The following FAM3C variants were observed in gnomAD, a reference collection of about 807,000 sequenced individuals.
FAM3C encodes FAM3 metabolism regulating signaling molecule C.
Under a neutral mutation model 32.5 loss-of-function variants are expected in FAM3C, and 15 were observed. The observed-to-expected ratio is 0.46, with a 90% confidence interval of 0.31 to 0.71. The LOEUF (loss-of-function observed/expected upper bound fraction) is 0.71. FAM3C is among the 30% of genes least tolerant of loss of function. FAM3C has a pLI of 0.05. For missense variants in FAM3C, 175 were observed against 274.4 expected (o/e 0.64, Z 2.56); for synonymous variants, 75 against 86.1 (o/e 0.87, Z 0.72).
chr7:121,366,967 A>G (rs1438942277), intron 5 of FAM3C, among the ~76,000 whole-genome samples: 1 of 152,180 alleles, frequency 6.6e-6, no homozygotes, highest in African/African-American at 2.4e-5. Context: ...ACAGACTGAA[A>G]TCTATCATAA....
chr7:121,362,463 T>G (rs111274972), intron 7 of FAM3C, among the ~76,000 whole-genome samples: 336 of 152,268 alleles, frequency 2.2e-3, no homozygotes, highest in African/African-American at 7.2e-3. Context: ...CTCCTAATGC[T>G]CCTAATGATT....
chr7:121,378,917 A>T lies in FAM3C; in HGVS notation c.111T>A (p.Asn37Lys), dbSNP rs750318600. The T allele has an allele frequency of 1.6e-5, 23 of 1,472,926 alleles. No individual in the cohort carries two copies. The highest frequency in any genetic ancestry group is 2.1e-5 in the Non-Finnish European group (23 of 1,078,000). The allele number at this position is 1,472,926 out of a possible 1,614,324, so 91.2% of individuals were successfully genotyped here. ...GAAAAAAATAAAACTTACCAAATAG[A>T]TTTCCTAAACTTGCATCCATTTTTA... ...FEIKMDASLG[N>K]LFARSALDTA... Residue 37 changes from asparagine (N) to lysine (K), a missense_variant, in exon 3 of 10, where the codon AAT (asparagine) becomes AAA (lysine). Transcript: ENST00000359943.
At chr7:121,360,851 A>T (rs1214147267) in intron 7 of FAM3C, among the ~76,000 whole-genome samples, 1 of 152,120 alleles carries the variant, frequency 6.6e-6, no homozygotes. Context: ...AAAACAAAAA[A>T]ACAAAAACGA....
At chr7:121,368,015 G>C (rs994081089) in intron 5 of FAM3C, among the ~76,000 whole-genome samples, 1 of 151,944 alleles carries the variant, frequency 6.6e-6, no homozygotes, top group African/African-American at 2.4e-5. Context: ...AAAAAAAGCT[G>C]CAATTACTGT....
rs66579763 is a variant in FAM3C at position 121,380,733 on chromosome 7, T to TTATATATATATATA, written c.14-1733_14-1720dup. 8.1e-3 allele frequency among the ~76,000 whole-genome samples: 1,080 copies of TTATATATATATATA among 133,890 alleles called. 13 individuals carry two copies. The highest frequency in any genetic ancestry group is 0.015 in the African/African-American group (567 of 36,634). The allele number at this position is 133,890 out of a possible 152,430, so 87.8% of individuals were successfully genotyped here. ...TTTAAAAAAGCTATATACAAACATT[T>TTATATATATATATA]TATATATATATATATATATATATGA... On this transcript the variant is annotated intron_variant, in intron 2 of 9. Coordinates refer to ENST00000359943, the MANE Select transcript of FAM3C (RefSeq NM_014888.3).
At chr7:121,383,249 T>A (rs1186044624) in intron 1 of FAM3C, among the ~76,000 whole-genome samples, 1 of 152,032 alleles carries the variant, frequency 6.6e-6, no homozygotes, top group East Asian at 1.9e-4. Context: ...AGAGTAAAAG[T>A]GTGTTATCAA....
intron 1 of FAM3C, among the ~76,000 whole-genome samples, chr7:121,394,948 A>G (rs772715730): frequency 6.6e-6 from 1 of 152,210 alleles, no homozygotes; most frequent in Non-Finnish European, 1.5e-5. Context: ...AGAAAACGTA[A>G]CTGCAAATTG....
chr7:121,355,846 T>C (rs1016354783), intron 8 of FAM3C, among the ~76,000 whole-genome samples: 1 of 152,144 alleles, frequency 6.6e-6, no homozygotes, highest in African/African-American at 2.4e-5. Flanking sequence ...TATTTAGACA[T>C]AAGCATGACT....
intron 2 of FAM3C, 136 bp downstream of exon 2, chr7:121,382,807 CCAACTACCTAAAAA>C: frequency 3.5e-6 from 2 of 574,220 alleles, no homozygotes; most frequent in Non-Finnish European, 5.8e-6. Flanking sequence ...TTGTGATTTG[CCAACTACCTAAAAA>C]CAAAGGGCTG....
intron 5 of FAM3C, among the ~76,000 whole-genome samples, chr7:121,367,088 T>TA (rs984271408): frequency 6.6e-6 from 1 of 152,040 alleles, no homozygotes; most frequent in Admixed American, 6.6e-5. Context: ...CTCTAACAAA[T>TA]AAAAAATCCA....
At position 121,377,986 on chromosome 7, in the gene FAM3C, C is replaced by T. The variant is rs117732872; in HGVS notation, c.118+924G>A. 4.7e-3 allele frequency among the ~76,000 whole-genome samples: 713 copies of T among 152,176 alleles called. 3 individuals carry two copies. The highest frequency in any genetic ancestry group is 8.5e-3 in the Non-Finnish European group (576 of 68,004). ...GACACATGACTGTGATCTTATATAG[C>T]GCCTTGGTTAAATAATTGTTTTCCA... On this transcript the variant is annotated intron_variant, in intron 3 of 9. Transcript: ENST00000359943.
At chr7:121,372,978 A>T (rs1794177255) in intron 3 of FAM3C, among the ~76,000 whole-genome samples, 1 of 152,196 alleles carries the variant, frequency 6.6e-6, no homozygotes, top group African/African-American at 2.4e-5. Context: ...AAAAAGAGGA[A>T]AATGACCAAG....
Position 121,362,131 on chromosome 7 carries a change from C to G in FAM3C, c.382+766G>C, listed in dbSNP as rs556726020. ...AGGGGAGATCCTCATACTGATCAATCTCCCAAATTAAAGAATCAAAAGATA... is the reference window on the plus strand; with the variant it reads ...AGGGGAGATCCTCATACTGATCAATGTCCCAAATTAAAGAATCAAAAGATA... On this transcript the variant is annotated intron_variant, in intron 7 of 9. Transcript: ENST00000359943. 1.1e-4 allele frequency among the ~76,000 whole-genome samples: 16 copies of G among 152,256 alleles called. No homozygotes were observed. In the East Asian group the frequency reaches 2.7e-3, roughly 26 times the overall value.
intron 5 of FAM3C, among the ~76,000 whole-genome samples, chr7:121,365,431 T>G (rs916434894): frequency 2.0e-5 from 3 of 152,138 alleles, no homozygotes; most frequent in Non-Finnish European, 4.4e-5. Flanking sequence ...ATAGGACATA[T>G]TTTTCAATTT....
At chr7:121,376,341 C>T (rs148648208) in intron 3 of FAM3C, among the ~76,000 whole-genome samples, 12 of 152,246 alleles carry the variant, frequency 7.9e-5, no homozygotes, top group Admixed American at 2.6e-4. Flanking sequence ...GAAGGTCTGA[C>T]GGACAACGAC....
rs1793676986 is a variant in FAM3C, at chr7:121,350,248, G to A, written c.*213C>T. On this transcript the variant is annotated 3_prime_UTR_variant, in exon 10 of 10. Coordinates refer to ENST00000359943, the MANE Select transcript of FAM3C (RefSeq NM_014888.3). ...CATTGTACTTTTAGGGAAATGTGCGGAGACATGGTTCAGTGATTTGATCAT... is the reference window on the plus strand; with the variant it reads ...CATTGTACTTTTAGGGAAATGTGCGAAGACATGGTTCAGTGATTTGATCAT... 1 of 530,152 alleles carries A rather than the reference G, an allele frequency of 1.9e-6. No individual in the cohort carries two copies. Among genetic ancestry groups the A allele is most frequent in the African/African-American group, 2.0e-5 (1 of 50,782 alleles). 32.8% of individuals were successfully genotyped at this position (530,152 alleles called of 1,614,324 possible). A position where few individuals can be genotyped will look rare whatever the true frequency, so the allele number is the denominator to read the frequency against.
In FAM3C at chr7:121,350,352, C is replaced by G; in HGVS notation, c.*109G>C. 3 of 1,312,746 alleles carry G rather than the reference C, an allele frequency of 2.3e-6. No homozygotes were observed. The highest frequency in any genetic ancestry group is 3.3e-6 in the Non-Finnish European group (3 of 921,180). 81.3% of individuals were successfully genotyped at this position (1,312,746 alleles called of 1,614,324 possible). ...TATCAAAAGAGACAATACTCATGCA[C>G]ACACCAAGATGGCTGCATGCTCTTA... On this transcript the variant is annotated 3_prime_UTR_variant, in exon 10 of 10. Transcript: ENST00000359943.
intron 6 of FAM3C, among the ~76,000 whole-genome samples, chr7:121,363,533 G>A (rs572529104): frequency 2.0e-5 from 3 of 152,212 alleles, no homozygotes; most frequent in African/African-American, 7.2e-5. Flanking sequence ...AACTACAGTG[G>A]TTTCTAACCA....
At chr7:121,354,028 G>A (rs887245706) in intron 8 of FAM3C, among the ~76,000 whole-genome samples, 5 of 152,046 alleles carry the variant, frequency 3.3e-5, no homozygotes, top group African/African-American at 9.7e-5. Context: ...TTTCTGATCT[G>A]CCTATGTAGA....
Sources: allele counts gnomAD v4.1 joint callset (sites outside exome capture counted in the v4.1 genomes callset), GRCh38; gene constraint gnomAD v4.1.1; transcripts MANE v1.5; gene names NCBI Gene and HGNC (gene_info 2026-07-23, HGNC 2026-07-21).